Variants in ATG16L1 observed in about 807,000 individuals in gnomAD.
The protein encoded by ATG16L1 is autophagy-related protein 16-1.
Under a neutral mutation model 88.5 loss-of-function variants are expected in ATG16L1, and 37 were observed. The observed-to-expected ratio is 0.42, with a 90% confidence interval of 0.32 to 0.55. The LOEUF (loss-of-function observed/expected upper bound fraction) is 0.55. Ranked by LOEUF, ATG16L1 falls within the 20% of genes least tolerant of loss-of-function variation. ATG16L1 has a pLI of 0.13. For missense variants in ATG16L1, 554 were observed against 752.8 expected (o/e 0.74, Z 3.09); for synonymous variants, 301 against 281.0 (o/e 1.07, Z -0.71).
At chr2:233,256,687 CTT>C (rs1384643768) in intron 2 of ATG16L1, among the ~76,000 whole-genome samples, 1 of 148,144 alleles carries the variant, frequency 6.8e-6, no homozygotes. Flanking sequence ...TATAATTTTT[CTT>C]TTTCTTTTTT....
At chr2:233,260,201 T>C (rs959457210) in intron 2 of ATG16L1, among the ~76,000 whole-genome samples, 12 of 152,258 alleles carry the variant, frequency 7.9e-5, no homozygotes, top group African/African-American at 2.7e-4. Context: ...AGACTTTCTC[T>C]TAAGTATTTT....
At chr2:233,276,873 T>C (rs947396661) in intron 9 of ATG16L1, among the ~76,000 whole-genome samples, 1 of 152,248 alleles carries the variant, frequency 6.6e-6, no homozygotes, top group Non-Finnish European at 1.5e-5. Flanking sequence ...CTGTGAAGAA[T>C]ATAAATTCTC....
intron 13 of ATG16L1, 90 bp from the exon 14 acceptor site, chr2:233,290,158 C>CT: frequency 1.3e-6 from 2 of 1,516,048 alleles, no homozygotes; most frequent in South Asian, 1.1e-5. Flanking sequence ...GTGAGTAACT[C>CT]TGACAAGTCA....
intron 8 of ATG16L1, 51 bp from the exon 9 acceptor site, chr2:233,274,625 C>A: frequency 7.1e-7 from 1 of 1,413,418 alleles, no homozygotes; most frequent in Non-Finnish European, 9.9e-7. Context: ...ATTTGATGAG[C>A]AGTAAACCTC....
At chr2:233,265,759 C>T (rs1467390094) in intron 5 of ATG16L1, among the ~76,000 whole-genome samples, 1 of 152,108 alleles carries the variant, frequency 6.6e-6, no homozygotes, top group African/African-American at 2.4e-5. Context: ...TGAGCCCCAC[C>T]GCCTGGCCAT....
intron 14 of ATG16L1, 49 bp downstream of exon 14, chr2:233,290,402 A>C (rs371365662): frequency 7.0e-7 from 1 of 1,421,698 alleles, no homozygotes; most frequent in Non-Finnish European, 1.0e-6. Context: ...TCTCCACAGT[A>C]ATGGTTCTGT....
At chr2:233,288,908 G>A (rs778683283) in intron 12 of ATG16L1, 26 of 519,078 alleles carry the variant, frequency 5.0e-5, no homozygotes, top group Non-Finnish European at 9.2e-5. Context: ...GCTGGTATCT[G>A]TGGCTATGAT....
chr2:233,259,387 A>G (rs182553028), intron 2 of ATG16L1, among the ~76,000 whole-genome samples: 1 of 152,306 alleles, frequency 6.6e-6, no homozygotes, highest in African/African-American at 2.4e-5. Context: ...ACACAGGCCC[A>G]GTTGAAGGGT....
At chr2:233,273,839 C>G in intron 8 of ATG16L1, 62 bp downstream of exon 8, 1 of 1,566,472 alleles carries the variant, frequency 6.4e-7, no homozygotes. Context: ...ATGTACATGA[C>G]TTATTTTTAT....
In ATG16L1 at chr2:233,282,436, C is replaced by G. The variant is rs1312027874; in HGVS notation, c.1132-246C>G. On this transcript the variant is annotated intron_variant, in intron 11 of 17. Transcript: ENST00000392017. ...AAAAGTGAGTAGGGAAGGCTGGGTT[C>G]CATTTGGAGCTTGAGGTGTCTGCAA... 3.3e-5 allele frequency among the ~76,000 whole-genome samples: 5 copies of G among 152,034 alleles called. No individual in the cohort carries two copies. In the East Asian group the frequency reaches 5.8e-4, roughly 18 times the overall value.
At chr2:233,269,702 A>T (rs1325120119) in intron 5 of ATG16L1, among the ~76,000 whole-genome samples, 1 of 152,182 alleles carries the variant, frequency 6.6e-6, no homozygotes, top group Non-Finnish European at 1.5e-5. Flanking sequence ...AGCCTGAGGC[A>T]TGTGTCTATC....
At chr2:233,293,453 TGA>T (rs1699602325) in intron 17 of ATG16L1, 96 bp downstream of exon 17, 3 of 1,144,532 alleles carry the variant, frequency 2.6e-6, no homozygotes, top group Non-Finnish European at 3.9e-6. Context: ...GTCGGCGCTG[TGA>T]GGGCACTGTC....
chr2:233,294,579 A>G lies in ATG16L1; in HGVS notation c.*229A>G. ...AAAAAACCTGACGCTGCGGTCACTT[A>G]GCAGAGGCTCAGGTTCTTGCCTTGG... is the stretch of plus-strand genomic sequence containing the variant. On this transcript the variant is annotated 3_prime_UTR_variant, in exon 18 of 18. Transcript: ENST00000392017. The G allele has an allele frequency of 2.5e-6, 1 of 402,658 alleles. No homozygotes were observed. The highest frequency in any genetic ancestry group is 2.1e-5 in the African/African-American group (1 of 48,534). The allele number at this position is 402,658 out of a possible 1,614,324, so 24.9% of individuals were successfully genotyped here.
At chr2:233,273,808 TGTATAA>T in intron 8 of ATG16L1, 31 bp downstream of exon 8, 1 of 1,600,792 alleles carries the variant, frequency 6.2e-7, no homozygotes, top group Non-Finnish European at 8.6e-7. Flanking sequence ...TTTTTAAATG[TGTATAA>T]GTATACCTAA....
chr2:233,279,408 G>C (rs920183955), intron 10 of ATG16L1, among the ~76,000 whole-genome samples: 1 of 152,182 alleles, frequency 6.6e-6, no homozygotes, highest in African/African-American at 2.4e-5. Flanking sequence ...GACATAATCT[G>C]TGCCAGCACA....
rs184892981 is a variant in ATG16L1, at chr2:233,287,920, A to C, written c.1204-1934A>C. On this transcript the variant is annotated intron_variant, in intron 12 of 17. Coordinates refer to ENST00000392017, the MANE Select transcript of ATG16L1 (RefSeq NM_030803.7). ...TAGAATTTAAGAAGTAGCCTACCCA[A>C]GTTTTGTCTCTGCCCATGATTTGTG... 1.1e-4 allele frequency among the ~76,000 whole-genome samples: 17 copies of C among 152,270 alleles called. No homozygotes were observed. In the East Asian group the frequency reaches 2.5e-3, roughly 22 times the overall value.
intron 8 of ATG16L1, 28 bp downstream of exon 8, chr2:233,273,805 A>G (rs1698149039): frequency 3.7e-6 from 6 of 1,605,772 alleles, no homozygotes; most frequent in Admixed American, 1.7e-5. Context: ...TCCTTTTTAA[A>G]TGTGTATAAG....
chr2:233,282,091 CTT>C (rs1553607495), intron 11 of ATG16L1, among the ~76,000 whole-genome samples: 1 of 152,180 alleles, frequency 6.6e-6, no homozygotes, highest in Non-Finnish European at 1.5e-5. Context: ...AAGGTTTAGA[CTT>C]TTGTAAAGCC....
intron 2 of ATG16L1, among the ~76,000 whole-genome samples, chr2:233,257,904 T>C (rs1696907793): frequency 6.7e-6 from 1 of 149,356 alleles, no homozygotes; most frequent in Non-Finnish European, 1.5e-5. Flanking sequence ...ACCCGGGAGG[T>C]TGAGACAGAA....
Sources: gnomAD v4.1 joint callset for allele counts (sites outside exome capture counted in the v4.1 genomes callset) on GRCh38, gnomAD v4.1.1 for gene constraint, MANE v1.5 for transcripts, NCBI Gene and HGNC (gene_info 2026-07-23, HGNC 2026-07-21) for gene names.